EHBP1: variants seen among roughly 807,000 people sequenced by gnomAD.
EHBP1 encodes the protein EH domain-binding protein 1.
Under a neutral mutation model 144.0 loss-of-function variants are expected in EHBP1, and 55 were observed. That is an observed-to-expected ratio of 0.38 (90% CI 0.31 to 0.48). The LOEUF (loss-of-function observed/expected upper bound fraction) is 0.48, where lower values mean the gene tolerates loss of function less well. Ranked by LOEUF, EHBP1 falls within the 20% of genes least tolerant of loss-of-function variation. The pLI is 0.98. For missense variants in EHBP1, 1,200 were observed against 1,364.2 expected, an observed-to-expected ratio of 0.88 and a Z score of 1.90; for synonymous variants, 469 against 472.7, an observed-to-expected ratio of 0.99 and a Z score of 0.10.
chr2:62,716,356 A>G (rs2035679753), intron 2 of EHBP1, among the ~76,000 whole-genome samples: 1 of 152,154 alleles, frequency 6.6e-6, no homozygotes, highest in Non-Finnish European at 1.5e-5. Context: ...AAGCAGGCAA[A>G]GTCTATTTTG....
intron 14 of EHBP1, among the ~76,000 whole-genome samples, chr2:62,956,844 A>G (rs1290861270): frequency 6.6e-6 from 1 of 152,202 alleles, no homozygotes; most frequent in Admixed American, 6.5e-5. Context: ...TCAGCTAATA[A>G]GACCTCTGCC....
chr2:62,986,363 C>T (rs971346087), intron 15 of EHBP1, among the ~76,000 whole-genome samples: 5 of 151,754 alleles, frequency 3.3e-5, no homozygotes, highest in Non-Finnish European at 5.9e-5. Flanking sequence ...TCTCTGAAAG[C>T]ATTTAACAAT....
intron 1 of EHBP1, among the ~76,000 whole-genome samples, chr2:62,697,797 T>G (rs1187905189): frequency 5.3e-5 from 8 of 152,198 alleles, no homozygotes; most frequent in Non-Finnish European, 1.0e-4. Context: ...GCCTTAGAAC[T>G]TGCAAAGTCA....
At position 62,829,682 on chromosome 2, in the gene EHBP1, TATATATA is replaced by T. The variant is rs535564426; in HGVS notation, c.495-1319_495-1313del. Among the ~76,000 whole-genome samples, 75 of 146,900 alleles carry T rather than the reference TATATATA, an allele frequency of 5.1e-4. No individual in the cohort carries two copies. In the South Asian group the frequency reaches 7.8e-3, roughly 15 times the overall value. On this transcript the variant is annotated intron_variant, in intron 6 of 22. Coordinates refer to ENST00000431489, the MANE Select transcript of EHBP1 (RefSeq NM_001142616.3). ...ATATATTATATATAGTGGTATTGTG[TATATATA>T]ATATATAATATATAATAATATATAA...
intron 10 of EHBP1, among the ~76,000 whole-genome samples, chr2:62,894,926 A>AC (rs1491162615): frequency 1.5e-5 from 2 of 136,550 alleles, no homozygotes; most frequent in East Asian, 4.6e-4. Context: ...AAACAGAAAG[A>AC]AAGAGAGAGA....
At chr2:62,682,734 C>G (rs1353070316) in intron 1 of EHBP1, among the ~76,000 whole-genome samples, 1 of 152,124 alleles carries the variant, frequency 6.6e-6, no homozygotes, top group Non-Finnish European at 1.5e-5. Context: ...TTCTGAGAAG[C>G]TATACTGCCT....
chr2:62,795,405 T>C (rs1028827695), intron 5 of EHBP1, among the ~76,000 whole-genome samples: 2 of 152,136 alleles, frequency 1.3e-5, no homozygotes, highest in African/African-American at 4.8e-5. Context: ...GCAACATTTA[T>C]TGAATCTCCT....
At chr2:62,883,025 T>C (rs969164653) in intron 10 of EHBP1, among the ~76,000 whole-genome samples, 5 of 152,026 alleles carry the variant, frequency 3.3e-5, no homozygotes, top group African/African-American at 1.2e-4. Context: ...CACACACACA[T>C]ATACATACAC....
At chr2:62,723,199 T>A (rs376274640) in intron 2 of EHBP1, among the ~76,000 whole-genome samples, 1 of 152,240 alleles carries the variant, frequency 6.6e-6, no homozygotes, top group Admixed American at 6.5e-5. Context: ...TTTAGGATAA[T>A]CAGGTCTTCT....
chr2:62,948,157 G>A (rs2057171941), intron 12 of EHBP1, 103 bp from the exon 13 acceptor site: 9 of 1,024,996 alleles, frequency 8.8e-6, no homozygotes, highest in South Asian at 5.5e-5. Context: ...ACATAATGTC[G>A]ATAACATGTA....
intron 14 of EHBP1, among the ~76,000 whole-genome samples, chr2:62,966,677 T>C (rs2058262198): frequency 6.6e-6 from 1 of 152,208 alleles, no homozygotes; most frequent in African/African-American, 2.4e-5. Context: ...AATATTCTTT[T>C]ATAAGATACA....
At chr2:63,005,865 G>A (rs1015110011) in intron 19 of EHBP1, among the ~76,000 whole-genome samples, 5 of 151,982 alleles carry the variant, frequency 3.3e-5, no homozygotes, top group Non-Finnish European at 7.4e-5. Flanking sequence ...CCCTGCTTTA[G>A]AGGAGGTAAA....
intron 2 of EHBP1, among the ~76,000 whole-genome samples, chr2:62,719,435 C>T (rs561771822): frequency 6.6e-6 from 1 of 152,024 alleles, no homozygotes; most frequent in East Asian, 1.9e-4. Context: ...CCTTTGCTGT[C>T]TTTTGCCAAG....
Position 62,785,206 on chromosome 2 carries a change from C to T in EHBP1, c.312+13814C>T, listed in dbSNP as rs750876159. Reference sequence around the variant, plus strand: ...TGCTGTTTGCAAACCGCTTAATTGACTTTGCAACCCATTAAAATGAATTCA... The same window carrying T: ...TGCTGTTTGCAAACCGCTTAATTGATTTTGCAACCCATTAAAATGAATTCA... On this transcript the variant is annotated intron_variant, in intron 5 of 22. Transcript: ENST00000431489. 5.0e-4 allele frequency among the ~76,000 whole-genome samples: 76 copies of T among 152,150 alleles called. No individual in the cohort carries two copies. The Middle Eastern group carries it at 0.014, about 27-fold the overall frequency.
intron 10 of EHBP1, among the ~76,000 whole-genome samples, chr2:62,929,838 A>C (rs1366604868): frequency 6.6e-6 from 1 of 152,230 alleles, no homozygotes; most frequent in Non-Finnish European, 1.5e-5. Context: ...ACAAAAAAAA[A>C]AACTGTTGTA....
At chr2:62,775,388 G>T (rs553811332) in intron 5 of EHBP1, among the ~76,000 whole-genome samples, 1 of 152,128 alleles carries the variant, frequency 6.6e-6, no homozygotes, top group Non-Finnish European at 1.5e-5. Context: ...ATTTCAAAGA[G>T]CTAAAGTTCT....
chr2:62,931,001 C>T (rs1298613118), intron 10 of EHBP1, among the ~76,000 whole-genome samples: 4 of 151,974 alleles, frequency 2.6e-5, no homozygotes, highest in Admixed American at 2.6e-4. Flanking sequence ...GCACAGACAG[C>T]AAAAGAAAGA....
chr2:62,990,960 A>C, intron 16 of EHBP1, 120 bp downstream of exon 16: 1 of 1,287,666 alleles, frequency 7.8e-7, no homozygotes, highest in East Asian at 2.6e-5. Flanking sequence ...AGATTAGGGT[A>C]TAAGAAATTT....
chr2:62,790,386 G>C (rs1266359545), intron 5 of EHBP1, among the ~76,000 whole-genome samples: 2 of 152,112 alleles, frequency 1.3e-5, no homozygotes, highest in African/African-American at 4.8e-5. Flanking sequence ...AATTCCAGCA[G>C]TACCTGTATC....
Sources: gnomAD v4.1 joint callset for allele counts (sites outside exome capture counted in the v4.1 genomes callset) on GRCh38, gnomAD v4.1.1 for gene constraint, MANE v1.5 for transcripts, NCBI Gene and HGNC (gene_info 2026-07-23, HGNC 2026-07-21) for gene names.